ROBO2: variants seen among roughly 807,000 people sequenced by gnomAD.
The protein encoded by ROBO2 is roundabout guidance receptor 2.
Under a neutral mutation model 160.8 loss-of-function variants are expected in ROBO2, and 53 were observed. The ratio of observed to expected loss-of-function variants is 0.33; its 90% confidence interval spans 0.26 to 0.41. ROBO2 has a LOEUF of 0.41. Among genes scored for constraint, ROBO2 ranks in the 10% least tolerant of loss-of-function variants. ROBO2 has a pLI of 1.00. For synonymous variants in ROBO2, 664 were observed against 611.7 expected (o/e 1.09, Z -1.26); for missense variants, 1,577 against 1,722.4 (o/e 0.92, Z 1.49).
chr3:76,632,629 T>A (rs375768627), intron 2 of ROBO2, among the ~76,000 whole-genome samples: 56 of 152,336 alleles, frequency 3.7e-4, no homozygotes, highest in African/African-American at 1.3e-3. Context: ...TAAGAATATC[T>A]TATCAATATG....
intron 2 of ROBO2, among the ~76,000 whole-genome samples, chr3:75,963,607 A>G (rs1246055801): frequency 6.6e-6 from 1 of 151,844 alleles, no homozygotes; most frequent in Non-Finnish European, 1.5e-5. Flanking sequence ...AAAGTCCATT[A>G]TGTCCTTTAC....
chr3:76,355,200 T>A (rs1057414198), intron 2 of ROBO2, among the ~76,000 whole-genome samples: 2 of 151,750 alleles, frequency 1.3e-5, no homozygotes, highest in African/African-American at 4.8e-5. Flanking sequence ...TTGATTACAA[T>A]TTTTTGGTTT....
exon 1 of ROBO2, chr3:75,906,926 C>G (rs1240337245): frequency 6.6e-6 from 1 of 152,326 alleles, no homozygotes; most frequent in African/African-American, 2.4e-5. Flanking sequence ...TCCCTGTCCC[C>G]CTGGGTGGAG....
intron 2 of ROBO2, among the ~76,000 whole-genome samples, chr3:76,784,113 AAT>A (rs550522206): frequency 5.2e-4 from 78 of 151,214 alleles, no homozygotes; most frequent in African/African-American, 1.8e-3. Context: ...TCTCCATTTC[AAT>A]GAGCTCAGTC....
chr3:76,144,352 A>T (rs191504299), intron 2 of ROBO2, among the ~76,000 whole-genome samples: 50 of 152,186 alleles, frequency 3.3e-4, no homozygotes. Context: ...TATGAATTCC[A>T]TGAAGCCTTC....
rs76566345 is a variant in ROBO2 at position 77,511,703 on chromosome 3, A to C, written c.807-11072A>C. 2.0e-4 allele frequency among the ~76,000 whole-genome samples: 31 copies of C among 152,048 alleles called. No homozygotes were observed. In the East Asian group the frequency reaches 5.9e-3, roughly 29 times the overall value. ...AGAATATGGGAAGTCAAGAGAGGCTAAAATATTGTTTGGTTTGGCTAATTA... is the reference window on the plus strand; with the variant it reads ...AGAATATGGGAAGTCAAGAGAGGCTCAAATATTGTTTGGTTTGGCTAATTA... On this transcript the variant is annotated intron_variant, in intron 5 of 25. Transcript: ENST00000461745.
At chr3:77,582,435 A>T (rs2153678394) in intron 16 of ROBO2, among the ~76,000 whole-genome samples, 1 of 152,202 alleles carries the variant, frequency 6.6e-6, no homozygotes, top group Non-Finnish European at 1.5e-5. Context: ...TTTTAATTGC[A>T]TACTCAGAAT....
Position 76,862,980 on chromosome 3 carries a change from G to A in ROBO2, c.110-235034G>A, listed in dbSNP as rs539967876. ...TGCAAAGAAATTTGGTCTCAGCATT[G>A]CAGATAAAGTCAGCTTTCTAGAACA... On this transcript the variant is annotated intron_variant, in intron 2 of 26. Coordinates refer to the ROBO2 transcript ENST00000487694. 2.6e-5 allele frequency among the ~76,000 whole-genome samples: 4 copies of A among 151,410 alleles called. No homozygotes were observed. The South Asian group carries it at 8.3e-4, about 32-fold the overall frequency.
At chr3:76,719,417 C>A (rs191352030) in intron 2 of ROBO2, among the ~76,000 whole-genome samples, 46 of 152,234 alleles carry the variant, frequency 3.0e-4, no homozygotes, top group Middle Eastern at 3.4e-3. Flanking sequence ...CTCACTGCAG[C>A]CTTCAGTTCC....
chr3:77,183,552 G>A (rs7433054), intron 2 of ROBO2, among the ~76,000 whole-genome samples: 13,352 of 151,930 alleles, frequency 0.088, 728 homozygotes, highest in African/African-American at 0.15. Context: ...GCCATCAAGG[G>A]CAGAGGCCTT....
At chr3:77,612,018 A>C (rs930336996) in intron 21 of ROBO2, among the ~76,000 whole-genome samples, 2 of 152,134 alleles carry the variant, frequency 1.3e-5, no homozygotes, top group Non-Finnish European at 2.9e-5. Flanking sequence ...GTAATTTGGT[A>C]TTTGTATCTG....
intron 2 of ROBO2, among the ~76,000 whole-genome samples, chr3:76,227,278 G>A (rs574938147): frequency 6.6e-5 from 10 of 152,274 alleles, no homozygotes; most frequent in East Asian, 3.9e-4. Context: ...CCATTATTGC[G>A]AAGAGTACCA....
At chr3:75,995,915 C>A (rs1288937776) in intron 2 of ROBO2, among the ~76,000 whole-genome samples, 2 of 152,046 alleles carry the variant, frequency 1.3e-5, no homozygotes, top group Non-Finnish European at 2.9e-5. Flanking sequence ...GGCCTGTATC[C>A]CTTTTGTTTT....
In ROBO2 at chr3:76,083,643, C is replaced by A. The variant is rs530220011; in HGVS notation, c.109+146041C>A. Among the ~76,000 whole-genome samples, 60 of 152,174 alleles carry A rather than the reference C, an allele frequency of 3.9e-4. 1 individual carries two copies. Among genetic ancestry groups the A allele is most frequent in the Non-Finnish European group, 7.9e-4 (54 of 67,968 alleles). On this transcript the variant is annotated intron_variant, in intron 2 of 26. Transcript: ENST00000487694. The stretch of plus-strand genomic sequence containing the variant: ...TTCATAGAGCACTTTTTGTCTTTCA[C>A]CAATTCCCTGATAGAACCAGCATCT...
At chr3:77,368,888 G>T (rs1247443860) in intron 2 of ROBO2, among the ~76,000 whole-genome samples, 1 of 152,104 alleles carries the variant, frequency 6.6e-6, no homozygotes, top group Non-Finnish European at 1.5e-5. Flanking sequence ...TACATGCATA[G>T]TATAACCTTT....
chr3:75,995,380 G>A (rs1031844553), intron 2 of ROBO2, among the ~76,000 whole-genome samples: 3 of 152,166 alleles, frequency 2.0e-5, no homozygotes, highest in Non-Finnish European at 2.9e-5. Context: ...GCTTCAGAGG[G>A]TGCAAGCCCC....
intron 2 of ROBO2, among the ~76,000 whole-genome samples, chr3:76,727,012 A>G (rs2093562878): frequency 6.6e-6 from 1 of 152,210 alleles, no homozygotes; most frequent in Non-Finnish European, 1.5e-5. Flanking sequence ...TGATCGAGTC[A>G]TTACATTCTT....
Position 77,579,555 on chromosome 3 carries a change from A to T in ROBO2, c.2329-392A>T, listed in dbSNP as rs145798910. The stretch of plus-strand genomic sequence containing the variant: ...TGGATTATATGCATAATAAATCTTG[A>T]TAAATAAAACAGAGGAAATTATGTG... On this transcript the variant is annotated intron_variant, in intron 15 of 25. Transcript: ENST00000461745. Among the ~76,000 whole-genome samples the T allele has an allele frequency of 5.3e-5, 8 of 152,312 alleles. No homozygotes were observed. In the East Asian group the frequency reaches 1.5e-3, roughly 29 times the overall value.
chr3:76,440,949 A>C (rs546904549), intron 2 of ROBO2, among the ~76,000 whole-genome samples: 2 of 152,302 alleles, frequency 1.3e-5, no homozygotes, highest in South Asian at 4.1e-4. Context: ...TCTCTAGCCT[A>C]ACTCCCAGCA....
Sources: allele counts gnomAD v4.1 joint callset (sites outside exome capture counted in the v4.1 genomes callset), GRCh38; gene constraint gnomAD v4.1.1; transcripts MANE v1.5; gene names NCBI Gene and HGNC (gene_info 2026-07-23, HGNC 2026-07-21).